NLK: variants seen among roughly 807,000 people sequenced by gnomAD.
The protein encoded by NLK is serine/threonine-protein kinase NLK.
In NLK, 11 loss-of-function variants were observed where a neutral mutation model predicts 59.0. The observed-to-expected ratio is 0.19, with a 90% CI of 0.12 to 0.31. The LOEUF (loss-of-function observed/expected upper bound fraction) is 0.31, where lower values mean the gene tolerates loss of function less well. NLK is among the 10% of genes least tolerant of loss of function. NLK has a pLI of 1.00. For synonymous variants in NLK, 235 were observed against 235.9 expected, an observed-to-expected ratio of 1.00 and a Z score of 0.03; for missense variants, 410 against 661.1, an observed-to-expected ratio of 0.62 and a Z score of 4.16.
chr17:28,156,208 A>G (rs1907708499), intron 3 of NLK, among the ~76,000 whole-genome samples: 1 of 152,296 alleles, frequency 6.6e-6, no homozygotes, highest in East Asian at 1.9e-4. Context: ...CCTCATGCTC[A>G]GCTTTAACAA....
intron 1 of NLK, among the ~76,000 whole-genome samples, chr17:28,057,619 G>A (rs998296742): frequency 2.0e-5 from 3 of 152,150 alleles, no homozygotes; most frequent in Non-Finnish European, 4.4e-5. Context: ...TCAAAATAGT[G>A]TAAGATCTGG....
At chr17:28,053,640 TTG>T (rs1164515942) in intron 1 of NLK, among the ~76,000 whole-genome samples, 1 of 152,196 alleles carries the variant, frequency 6.6e-6, no homozygotes, top group Non-Finnish European at 1.5e-5. Flanking sequence ...TATCCATTCT[TTG>T]ACCTAAAATT....
chr17:28,151,621 G>C (rs142113919), intron 3 of NLK, among the ~76,000 whole-genome samples: 130 of 152,254 alleles, frequency 8.5e-4, no homozygotes, highest in African/African-American at 2.9e-3. Context: ...AGGGTAAATG[G>C]AAAATGGTAG....
chr17:28,069,404 A>G (rs1380170933), intron 1 of NLK, among the ~76,000 whole-genome samples: 3 of 152,218 alleles, frequency 2.0e-5, no homozygotes, highest in Non-Finnish European at 4.4e-5. Flanking sequence ...ATAAATATCT[A>G]GGGATGGAAT....
At chr17:28,169,274 C>T (rs932902760) in intron 6 of NLK, among the ~76,000 whole-genome samples, 1 of 152,204 alleles carries the variant, frequency 6.6e-6, no homozygotes, top group Non-Finnish European at 1.5e-5. Flanking sequence ...TAGAAGGCCT[C>T]TCTTCCTTCT....
chr17:28,080,310 T>A (rs888974783), intron 1 of NLK, among the ~76,000 whole-genome samples: 1 of 151,936 alleles, frequency 6.6e-6, no homozygotes, highest in Non-Finnish European at 1.5e-5. Flanking sequence ...CCAGGCATAG[T>A]GGCTCATGCC....
At chr17:28,105,649 G>A (rs1402490201) in intron 1 of NLK, among the ~76,000 whole-genome samples, 1 of 152,176 alleles carries the variant, frequency 6.6e-6, no homozygotes, top group African/African-American at 2.4e-5. Flanking sequence ...TGTTTGAACA[G>A]CCAGTTCTTT....
chr17:28,188,500 C>T (rs1207656088), intron 8 of NLK, among the ~76,000 whole-genome samples: 1 of 152,124 alleles, frequency 6.6e-6, no homozygotes, highest in African/African-American at 2.4e-5. Flanking sequence ...GTTTGTGTGT[C>T]AGGGTCTCAC....
chr17:28,114,123 G>T (rs531059677), intron 1 of NLK, among the ~76,000 whole-genome samples: 3 of 152,018 alleles, frequency 2.0e-5, no homozygotes, highest in African/African-American at 7.2e-5. Flanking sequence ...TTTGTATACT[G>T]TATATTATAT....
chr17:28,050,952 G>GA (rs567468247), intron 1 of NLK, among the ~76,000 whole-genome samples: 3 of 147,906 alleles, frequency 2.0e-5, no homozygotes, highest in Non-Finnish European at 3.0e-5. Context: ...TAAAAGTACA[G>GA]AAAAAAAAAA....
intron 1 of NLK, among the ~76,000 whole-genome samples, chr17:28,062,632 G>A (rs969051178): frequency 6.6e-6 from 1 of 152,150 alleles, no homozygotes; most frequent in Non-Finnish European, 1.5e-5. Context: ...CCAGGCTGTA[G>A]TACAGTGGTG....
At chr17:28,121,312 G>T (rs566166246) in intron 1 of NLK, among the ~76,000 whole-genome samples, 430 of 151,440 alleles carry the variant, frequency 2.8e-3, no homozygotes, top group Non-Finnish European at 5.4e-3. Flanking sequence ...AGAATGTTAG[G>T]CAGGAATCTA....
At chr17:28,190,422 C>T (rs567687863) in intron 8 of NLK, among the ~76,000 whole-genome samples, 10 of 152,134 alleles carry the variant, frequency 6.6e-5, no homozygotes, top group African/African-American at 2.4e-4. Context: ...CACAGTGAGA[C>T]CCCATCTCTA....
intron 1 of NLK, among the ~76,000 whole-genome samples, chr17:28,055,712 T>C (rs995329949): frequency 1.3e-5 from 2 of 152,210 alleles, no homozygotes; most frequent in Non-Finnish European, 2.9e-5. Context: ...TATGTAAATG[T>C]TAGCTATCAC....
the NLK span, among the ~76,000 whole-genome samples, chr17:28,203,561 G>C: frequency 7.9e-5 from 12 of 151,926 alleles, no homozygotes; most frequent in African/African-American, 2.9e-4. Context: ...TTTTGAGATG[G>C]AGTCTCACCA....
At chr17:28,156,965 T>A (rs532022337) in intron 3 of NLK, among the ~76,000 whole-genome samples, 51 of 152,308 alleles carry the variant, frequency 3.3e-4, no homozygotes, top group Non-Finnish European at 5.9e-4. Flanking sequence ...TTGGTTGAAA[T>A]TATTCTATAA....
chr17:28,097,733 A>T (rs977414798), intron 1 of NLK, among the ~76,000 whole-genome samples: 2 of 152,152 alleles, frequency 1.3e-5, no homozygotes, highest in African/African-American at 2.4e-5. Flanking sequence ...ATACTTGTAC[A>T]TTTTCAGTGT....
chr17:28,194,289 G>A (rs1396434105), intron 10 of NLK, among the ~76,000 whole-genome samples: 1 of 152,176 alleles, frequency 6.6e-6, no homozygotes, highest in Admixed American at 6.6e-5. Context: ...GAGGTAAACA[G>A]CATTATTTCT....
At chr17:28,205,235 A>C in the NLK span, among the ~76,000 whole-genome samples, 2 of 152,228 alleles carry the variant, frequency 1.3e-5, no homozygotes, top group Admixed American at 1.3e-4. Flanking sequence ...ACGTACCTGG[A>C]ATAGTACTTG....
Sources: allele counts gnomAD v4.1 joint callset (sites outside exome capture counted in the v4.1 genomes callset), GRCh38; gene constraint gnomAD v4.1.1; transcripts MANE v1.5; gene names NCBI Gene and HGNC (gene_info 2026-07-23, HGNC 2026-07-21).